HFM1: variants seen among roughly 807,000 people sequenced by gnomAD.
HFM1 encodes probable ATP-dependent DNA helicase HFM1.
Under a neutral mutation model 192.1 loss-of-function variants are expected in HFM1, and 169 were observed. That is an observed-to-expected ratio of 0.88 (90% CI 0.78 to 1.00). The LOEUF is 1.00. HFM1 is among the 50% of genes least tolerant of loss of function. HFM1 has a pLI of 0.00. For synonymous variants in HFM1, 525 were observed against 537.8 expected (o/e 0.98, Z 0.33); for missense variants, 1,661 against 1,668.0 (o/e 1.00, Z 0.07).
At chr1:91,336,637 T>G (rs138224978) in intron 20 of HFM1, among the ~76,000 whole-genome samples, 33 of 152,040 alleles carry the variant, frequency 2.2e-4, no homozygotes, top group African/African-American at 7.7e-4. Flanking sequence ...TTGGTGGGAG[T>G]GTAAATAAGT....
intron 13 of HFM1, among the ~76,000 whole-genome samples, chr1:91,354,783 A>G (rs1657492215): frequency 6.6e-6 from 1 of 152,180 alleles, no homozygotes; most frequent in Admixed American, 6.5e-5. Context: ...AGTCTCAGCC[A>G]GATAAATAAA....
At chr1:91,396,426 T>C in intron 2 of HFM1, 21 bp from the exon 3 acceptor site, 1 of 1,185,638 alleles carries the variant, frequency 8.4e-7, no homozygotes, top group Non-Finnish European at 1.2e-6. Context: ...TATAAAAATG[T>C]GAGTATATAT....
intron 28 of HFM1, among the ~76,000 whole-genome samples, chr1:91,315,057 T>C (rs1201186028): frequency 6.6e-6 from 1 of 152,234 alleles, no homozygotes; most frequent in African/African-American, 2.4e-5. Flanking sequence ...AGGCTCTGGA[T>C]TGGGTTCAAA....
At chr1:91,386,409 T>G (rs759219133) in intron 4 of HFM1, among the ~76,000 whole-genome samples, 13 of 152,230 alleles carry the variant, frequency 8.5e-5, no homozygotes, top group Non-Finnish European at 1.5e-4. Context: ...TTCAGATGAC[T>G]GCAGCATGGC....
chr1:91,288,773 T>C (rs898869518), intron 30 of HFM1, among the ~76,000 whole-genome samples: 1 of 152,232 alleles, frequency 6.6e-6, no homozygotes, highest in African/African-American at 2.4e-5. Flanking sequence ...CTATGTCTAC[T>C]TCTTTCTACA....
chr1:91,349,116 C>T (rs2101705508), intron 18 of HFM1, among the ~76,000 whole-genome samples: 1 of 152,060 alleles, frequency 6.6e-6, no homozygotes, highest in Admixed American at 6.5e-5. Context: ...GGTGAAGCGC[C>T]GTCTCTGCTA....
At chr1:91,288,056 C>T (rs1172593010) in intron 30 of HFM1, among the ~76,000 whole-genome samples, 6 of 151,738 alleles carry the variant, frequency 4.0e-5, no homozygotes, top group South Asian at 2.1e-4. Flanking sequence ...CTTAAAGTGA[C>T]GGGGAGAATG....
chr1:91,378,233 T>C (rs770451164), intron 10 of HFM1, 50 bp from the exon 11 acceptor site: 1 of 1,375,740 alleles, frequency 7.3e-7, no homozygotes, highest in Non-Finnish European at 9.9e-7. Context: ...TAAAAATACA[T>C]TTAATCAATT....
At chr1:91,321,208 G>A (rs1477727933) in intron 23 of HFM1, among the ~76,000 whole-genome samples, 2 of 152,162 alleles carry the variant, frequency 1.3e-5, no homozygotes, top group Non-Finnish European at 2.9e-5. Context: ...TTGGGAGGCC[G>A]AGGCAGGTGG....
chr1:91,283,643 C>A (rs1476766567), intron 30 of HFM1, among the ~76,000 whole-genome samples: 1 of 152,036 alleles, frequency 6.6e-6, no homozygotes, highest in Admixed American at 6.6e-5. Context: ...CATAGTTTTG[C>A]CACATATTGT....
chr1:91,379,983 T>TA, intron 8 of HFM1, 121 bp downstream of exon 8: 1 of 451,864 alleles, frequency 2.2e-6, no homozygotes, highest in Non-Finnish European at 3.9e-6. Flanking sequence ...GACCAGACTT[T>TA]ACTAGAAATA....
At chr1:91,274,985 A>ATTT (rs369981082) in intron 32 of HFM1, among the ~76,000 whole-genome samples, 176 bp from the exon 33 acceptor site, 24 of 132,942 alleles carry the variant, frequency 1.8e-4, no homozygotes, top group African/African-American at 5.1e-4. Flanking sequence ...AAATGTTGGC[A>ATTT]TTTTTTTTTT....
chr1:91,340,275 G>A (rs1411084319), intron 20 of HFM1, among the ~76,000 whole-genome samples: 1 of 152,146 alleles, frequency 6.6e-6, no homozygotes, highest in Non-Finnish European at 1.5e-5. Context: ...CTCCCAAAGT[G>A]CTGGGATTAC....
intron 13 of HFM1, among the ~76,000 whole-genome samples, chr1:91,356,096 CAAGT>C (rs1262371503): frequency 6.6e-6 from 1 of 151,752 alleles, no homozygotes; most frequent in Non-Finnish European, 1.5e-5. Context: ...AAAAAAATCA[CAAGT>C]ATGTGGAAAC....
chr1:91,291,836 T>G (rs1668800343), intron 30 of HFM1, among the ~76,000 whole-genome samples: 2 of 151,908 alleles, frequency 1.3e-5, no homozygotes, highest in African/African-American at 2.4e-5. Flanking sequence ...CAGCAGCACA[T>G]CAAAAAGCTT....
rs186665754 is a variant in HFM1, at chr1:91,334,854, G to A, written c.2335+8576C>T. Among the ~76,000 whole-genome samples, 1,015 of 149,524 alleles carry A rather than the reference G, an allele frequency of 6.8e-3. 6 individuals carry two copies. The highest frequency in any genetic ancestry group is 9.4e-3 in the Non-Finnish European group (629 of 67,226). ...TGAGGCAGGAGAATCGCTTGAACCC[G>A]GGAGGTGGAGGTTGCAGTGAGCCGA... On this transcript the variant is annotated intron_variant, in intron 20 of 38. Transcript: ENST00000370425.
intron 25 of HFM1, among the ~76,000 whole-genome samples, chr1:91,318,708 G>A (rs1341541918): frequency 6.6e-6 from 1 of 152,152 alleles, no homozygotes; most frequent in Non-Finnish European, 1.5e-5. Context: ...GAATGGCTGG[G>A]ACTGCTAACT....
intron 4 of HFM1, among the ~76,000 whole-genome samples, chr1:91,387,246 G>A (rs55959236): frequency 1.3e-5 from 2 of 152,026 alleles, no homozygotes; most frequent in Non-Finnish European, 2.9e-5. Flanking sequence ...TTCCCTATTA[G>A]TGGGTGAACA....
Position 91,401,010 on chromosome 1 carries a change from AC to A in HFM1, c.71+1del, listed in dbSNP as rs1664250725. 6.9e-7 allele frequency: 1 copy of A among 1,454,510 alleles called. No homozygotes were observed. The highest frequency in any genetic ancestry group is 1.5e-5 in the African/African-American group (1 of 68,880). 90.1% of individuals were successfully genotyped at this position (1,454,510 alleles called of 1,614,324 possible). ...TGCTATCAATCTTTAAGGGAGACTT[AC>A]TTTTCAACTTCATCTGGTTTTTCAA... On this transcript the variant is annotated splice_donor_variant, in intron 2 of 38. Coordinates refer to ENST00000370425, the MANE Select transcript of HFM1 (RefSeq NM_001017975.6). LOFTEE classifies it high-confidence loss of function.
Sources: allele counts gnomAD v4.1 joint callset (sites outside exome capture counted in the v4.1 genomes callset), GRCh38; gene constraint gnomAD v4.1.1; transcripts MANE v1.5; gene names NCBI Gene and HGNC (gene_info 2026-07-23, HGNC 2026-07-21).